CNKSR1: variants seen among roughly 807,000 people sequenced by gnomAD.
CNKSR1 encodes the protein connector enhancer of kinase suppressor of Ras 1.
In CNKSR1, 88 loss-of-function variants were observed where a neutral mutation model predicts 95.6. The ratio of observed to expected loss-of-function variants is 0.92; its 90% CI spans 0.78 to 1.10. CNKSR1 has a LOEUF of 1.10. Among genes scored for constraint, CNKSR1 ranks in the 50% least tolerant of loss-of-function variants. The probability of loss-of-function intolerance (pLI) is 0.00; values close to 1 mark genes in which losing one functional copy is unlikely to be tolerated. For synonymous variants in CNKSR1, 355 were observed against 369.7 expected, an observed-to-expected ratio of 0.96 and a Z score of 0.46; for missense variants, 836 against 912.0, an observed-to-expected ratio of 0.92 and a Z score of 1.07.
chr1:26,177,593 C>T lies in CNKSR1; in HGVS notation c.46C>T (p.Leu16=), dbSNP rs141554188. 5.3e-5 allele frequency: 85 copies of T among 1,613,994 alleles called. No individual in the cohort carries two copies. The highest frequency in any genetic ancestry group is 7.1e-5 in the Non-Finnish European group (84 of 1,179,996). The part of the protein sequence containing the change: ...TWTPGKVATW[L]RGLDDSLQDY... ...GACCCCCGGAAAGGTGGCAACTTGG[C>T]TGAGAGGTGGGTGGGGCTGGGGTAG... The change falls in exon 1 of 21, where the codon CTG becomes TTG. Residue 16 remains leucine, a synonymous_variant. Coordinates refer to ENST00000361530, the MANE Select transcript of CNKSR1 (RefSeq NM_006314.3).
In CNKSR1 at chr1:26,184,088, G is replaced by C; in HGVS notation, c.873G>C (p.Leu291=). ...ETPPQTPPQV[L]DSPHQRSPSL... Reference sequence around the variant, plus strand: ...TTCCCCAGACGCCCCCTCAGGTCCTGGACTCCCCGCACCAGAGGAGCCCAT... The same window carrying C: ...TTCCCCAGACGCCCCCTCAGGTCCTCGACTCCCCGCACCAGAGGAGCCCAT... Residue 291 remains leucine, a synonymous_variant, in exon 10 of 21, where the codon CTG becomes CTC. Transcript: ENST00000361530. The C allele has an allele frequency of 6.2e-7, 1 of 1,610,060 alleles. No homozygotes were observed. Among genetic ancestry groups the C allele is most frequent in the East Asian group, 2.2e-5 (1 of 44,708 alleles).
rs2088710227 is a variant in CNKSR1 at position 26,184,462 on chromosome 1, A to G, written c.1062A>G (p.Pro354=). 2 of 1,613,044 alleles carry G rather than the reference A, an allele frequency of 1.2e-6. No individual in the cohort carries two copies. Among genetic ancestry groups the G allele is most frequent in the Admixed American group, 3.3e-5 (2 of 59,894 alleles). ...PIPPEPPAIL[P]AGVAGTPGLP... ...CCCCGGAACCCCCAGCCATACTCCC[A>G]GCAGGGGTAGCAGGGACTCCAGGGC... Residue 354 remains proline, a synonymous_variant, in exon 12 of 21, where the codon CCA becomes CCG. Coordinates refer to ENST00000361530, the MANE Select transcript of CNKSR1 (RefSeq NM_006314.3).
chr1:26,187,242 G>A lies in CNKSR1; in HGVS notation c.1382+1G>A, dbSNP rs774646667. ...GTGGACATGATCAGAAGAAGAAATA[G>A]TTAAGTCTTGGGGTGTGATGGGCTG... is the stretch of plus-strand genomic sequence containing the variant. On this transcript the variant is annotated splice_donor_variant, in intron 15 of 20. Coordinates refer to ENST00000361530, the MANE Select transcript of CNKSR1 (RefSeq NM_006314.3). LOFTEE classifies it high-confidence loss of function. 2 of 1,613,128 alleles carry A rather than the reference G, an allele frequency of 1.2e-6. No individual in the cohort carries two copies. Among genetic ancestry groups the A allele is most frequent in the South Asian group, 2.2e-5 (2 of 91,068 alleles).
At position 26,180,541 on chromosome 1, in the gene CNKSR1, G is replaced by C. The variant is rs1320453295; in HGVS notation, c.141G>C (p.Glu47Asp). Residue 47 changes from glutamate (E) to aspartate (D), a missense_variant, in exon 2 of 21, where the codon GAG becomes GAC. Physicochemically the swap from Glu to Asp is conservative, Grantham distance 45. Coordinates refer to ENST00000361530, the MANE Select transcript of CNKSR1 (RefSeq NM_006314.3). Reference protein sequence around the residue: ...NLLQLCPQSLEALAVRSLGHQ... With the variant: ...NLLQLCPQSLDALAVRSLGHQ... ...TCCAGCTCTGCCCCCAAAGCCTCGA[G>C]GCTCTGGCTGTGCGGTCTCTGGGAC... The C allele has an allele frequency of 1.4e-5, 22 of 1,614,084 alleles. No homozygotes were observed. The highest frequency in any genetic ancestry group is 1.9e-5 in the Non-Finnish European group (22 of 1,180,046).
chr1:26,180,383 G>C, intron 1 of CNKSR1, 70 bp from the exon 2 acceptor site: 1 of 1,577,094 alleles, frequency 6.3e-7, no homozygotes, highest in Non-Finnish European at 8.7e-7. Context: ...GAGCTTTGCA[G>C]GCATGAAGAA....
rs763921675 is a variant in CNKSR1 at position 26,188,869 on chromosome 1, G to A, written c.1788G>A (p.Trp596Ter). 4.3e-6 allele frequency: 7 copies of A among 1,613,826 alleles called. No individual in the cohort carries two copies. The highest frequency in any genetic ancestry group is 5.9e-6 in the Non-Finnish European group (7 of 1,179,992). Residue 596 changes from tryptophan to a stop codon, truncating the protein, a stop_gained, in exon 20 of 21, where the codon TGG becomes TGA. Coordinates refer to ENST00000361530, the MANE Select transcript of CNKSR1 (RefSeq NM_006314.3). LOFTEE classifies it high-confidence loss of function. ...CACAGCCCCTGACCCAGGAACAGTGGCGGAGCTCTTTCATGCGGCGCAACC... is the reference window on the plus strand; with the variant it reads ...CACAGCCCCTGACCCAGGAACAGTGACGGAGCTCTTTCATGCGGCGCAACC... ...GQPQPLTQEQ[W>*]RSSFMRRNRD...
At chr1:26,184,751 C>G in intron 13 of CNKSR1, 139 bp downstream of exon 13, 1 of 1,118,666 alleles carries the variant, frequency 8.9e-7, no homozygotes. Flanking sequence ...TCAGACAGAG[C>G]TGTGCTCCCA....
Position 26,180,532 on chromosome 1 carries a change from A to G in CNKSR1, c.132A>G (p.Gln44=), listed in dbSNP as rs368524943. 6.2e-7 allele frequency: 1 copy of G among 1,613,972 alleles called. No individual in the cohort carries two copies. The highest frequency in any genetic ancestry group is 8.5e-7 in the Non-Finnish European group (1 of 1,180,012). Residue 44 remains glutamine, a synonymous_variant, in exon 2 of 21, where the codon CAA becomes CAG. Transcript: ENST00000361530. ...PGKNLLQLCP[Q]SLEALAVRSL... ...AGAACCTGCTCCAGCTCTGCCCCCA[A>G]AGCCTCGAGGCTCTGGCTGTGCGGT...
chr1:26,183,605 G>A, intron 8 of CNKSR1, 124 bp from the exon 9 acceptor site: 1 of 1,005,906 alleles, frequency 9.9e-7, no homozygotes, highest in Admixed American at 1.7e-5. Context: ...GCCCCCAGGA[G>A]GCTGCATGAG....
intron 1 of CNKSR1, 142 bp downstream of exon 1, chr1:26,177,741 C>G (rs1407743800): frequency 1.3e-5 from 12 of 945,600 alleles, no homozygotes; most frequent in Non-Finnish European, 1.9e-5. Context: ...TTTGGGAAGC[C>G]AAGGTGGGTG....
At position 26,182,403 on chromosome 1, in the gene CNKSR1, G is replaced by A. The variant is rs751828242; in HGVS notation, c.519+1G>A. The A allele has an allele frequency of 2.2e-5, 35 of 1,613,920 alleles. No homozygotes were observed. Among genetic ancestry groups the A allele is most frequent in the African/African-American group, 2.7e-5 (2 of 74,886 alleles). ...GAAGGAGGGCACAGTCCTGAGGATCGTGAGTCTGTGGGGTGGGAAGAGAGT... is the reference window on the plus strand; with the variant it reads ...GAAGGAGGGCACAGTCCTGAGGATCATGAGTCTGTGGGGTGGGAAGAGAGT... On this transcript the variant is annotated splice_donor_variant, in intron 5 of 20. Transcript: ENST00000361530. LOFTEE classifies it high-confidence loss of function.
Position 26,184,196 on chromosome 1 carries a change from C to A in CNKSR1, c.927-18C>A, listed in dbSNP as rs1337897994. On this transcript the variant is annotated intron_variant, in intron 10 of 20. Transcript: ENST00000361530. Reference sequence around the variant, plus strand: ...TGGGGAGACCGTGGGCTCATCTCATCCCCCTTGCCCTCCCCAGGGCCCCAT... The same window carrying A: ...TGGGGAGACCGTGGGCTCATCTCATACCCCTTGCCCTCCCCAGGGCCCCAT... The A allele has an allele frequency of 1.2e-6, 2 of 1,612,492 alleles. No homozygotes were observed. Among genetic ancestry groups the A allele is most frequent in the Non-Finnish European group, 1.7e-6 (2 of 1,179,144 alleles).
At position 26,183,833 on chromosome 1, in the gene CNKSR1, ACCTTCC is replaced by A; in HGVS notation, c.855+7_855+12del. ...CGATACCGGAGACCCCCCCACAGGT[ACCTTCC>A]CCTGCCGCCCCCCGACCTGCCTTCA... On this transcript the variant is annotated splice_donor_5th_base_variant and intron_variant, in intron 9 of 20. Coordinates refer to ENST00000361530, the MANE Select transcript of CNKSR1 (RefSeq NM_006314.3). The A allele has an allele frequency of 8.1e-7, 1 of 1,235,470 alleles. No individual in the cohort carries two copies. 76.5% of individuals were successfully genotyped at this position (1,235,470 alleles called of 1,614,324 possible).
rs144821580 is a variant in CNKSR1, at chr1:26,188,770, A to G, written c.1691-2A>G. 2,078 of 1,609,720 alleles carry G rather than the reference A, an allele frequency of 1.3e-3. 30 individuals carry two copies. The South Asian group carries it at 0.016, about 13-fold the overall frequency. On this transcript the variant is annotated splice_acceptor_variant, in intron 19 of 20. Coordinates refer to ENST00000361530, the MANE Select transcript of CNKSR1 (RefSeq NM_006314.3). LOFTEE classifies it high-confidence loss of function. ...TCCTCATCCTGCTCTTCCCTCCCAC[A>G]GACAGCAGTGAAGAGGCACTGGAAG...
chr1:26,183,923 C>A (rs557191673), intron 9 of CNKSR1, 93 bp downstream of exon 9: 41 of 523,666 alleles, frequency 7.8e-5, no homozygotes, highest in Middle Eastern at 4.8e-4. Context: ...TCAGACCCCC[C>A]CCAACAGGCA....
intron 2 of CNKSR1, 50 bp from the exon 3 acceptor site, chr1:26,180,665 T>C: frequency 1.2e-6 from 2 of 1,613,948 alleles, no homozygotes; most frequent in Non-Finnish European, 8.5e-7. Context: ...GGGGGTGTGA[T>C]GGGGGGCTGG....
At chr1:26,183,871 C>G in intron 9 of CNKSR1, 41 bp downstream of exon 9, 1 of 541,484 alleles carries the variant, frequency 1.8e-6, no homozygotes, top group Non-Finnish European at 3.1e-6. Context: ...TTCAGACCCC[C>G]CCCTCCACAG....
chr1:26,180,140 A>G lies in CNKSR1; in HGVS notation c.53-313A>G, dbSNP rs2088620446. On this transcript the variant is annotated intron_variant, in intron 1 of 20. Transcript: ENST00000361530. The stretch of plus-strand genomic sequence containing the variant: ...AGAAAAAACAAAACAAAAACAAAAA[A>G]AAGACTGCTGGGCCCCAACCTCAGA... The G allele has an allele frequency of 6.6e-5, 28 of 427,356 alleles. 1 individual carries two copies. The highest frequency in any genetic ancestry group is 6.9e-4 in the Middle Eastern group (1 of 1,454). 26.5% of individuals were successfully genotyped at this position (427,356 alleles called of 1,614,324 possible).
chr1:26,179,862 G>A (rs933115256), intron 1 of CNKSR1, among the ~76,000 whole-genome samples: 10 of 152,162 alleles, frequency 6.6e-5, no homozygotes, highest in Non-Finnish European at 1.3e-4. Flanking sequence ...CTGGCTGGGC[G>A]TCGTGGCTCA....
Sources: allele counts gnomAD v4.1 joint callset (sites outside exome capture counted in the v4.1 genomes callset), GRCh38; gene constraint gnomAD v4.1.1; transcripts MANE v1.5; gene names NCBI Gene and HGNC (gene_info 2026-07-23, HGNC 2026-07-21).